The following TIAM2 variants were observed in gnomAD, a reference collection of about 807,000 sequenced individuals.
TIAM2 encodes TIAM Rac1 associated GEF 2.
A neutral mutation model predicts 152.9 loss-of-function variants in TIAM2; 80 were observed. The ratio of observed to expected loss-of-function variants is 0.52; its 90% CI spans 0.44 to 0.63. TIAM2 has a LOEUF of 0.63. TIAM2 is among the 30% of genes least tolerant of loss of function. The pLI is 0.00. For missense variants in TIAM2, 1,965 were observed against 2,120.1 expected (o/e 0.93, Z 1.44); for synonymous variants, 804 against 838.0 (o/e 0.96, Z 0.70).
Position 155,174,166 on chromosome 6 carries a change from A to T in TIAM2, c.2362-2650A>T, listed in dbSNP as rs1337048831. Among the ~76,000 whole-genome samples the T allele has an allele frequency of 6.6e-6, 1 of 152,224 alleles. No individual in the cohort carries two copies. The highest frequency in any genetic ancestry group is 2.4e-5 in the African/African-American group (1 of 41,454). ...GTATAGTGGTGGTGTGAACCAGCTC[A>T]TCCCAGACTTCCACCCTTCAGATCC... On this transcript the variant is annotated intron_variant, in intron 9 of 26. Transcript: ENST00000682666. The surrounding 1 kb of genome is among the most constrained non-coding windows in gnomAD (Gnocchi z 4.2).
chr6:155,054,038 T>C (rs1777383207), intron 1 of TIAM2, among the ~76,000 whole-genome samples: 1 of 152,112 alleles, frequency 6.6e-6, no homozygotes, highest in Non-Finnish European at 1.5e-5. Flanking sequence ...CCAGGCATGG[T>C]GGCAGGCACC....
chr6:155,020,875 G>A (rs73579424), intron 1 of TIAM2, among the ~76,000 whole-genome samples: 2,152 of 152,084 alleles, frequency 0.014, 36 homozygotes, highest in African/African-American at 0.045. Context: ...TCTGTACCCC[G>A]TTAAACAATA....
At position 155,129,390 on chromosome 6, in the gene TIAM2, AGTCCAGGTCCCTG is replaced by A. The variant is rs760207121; in HGVS notation, c.169_181del (p.Ser57ProfsTer113). The A allele has an allele frequency of 1.6e-5, 26 of 1,614,168 alleles. No individual in the cohort carries two copies. The Admixed American group carries it at 2.8e-4, about 18-fold the overall frequency. The stretch of plus-strand genomic sequence containing the variant: ...CACGGAAGCAACGGAGCAGGTTACA[AGTCCAGGTCCCTG>A]GCCCGAAGCTGCCTTTCTCACTTTA... On this transcript the variant is annotated frameshift_variant, in exon 4 of 27. Coordinates refer to ENST00000682666, the MANE Select transcript of TIAM2 (RefSeq NM_012454.4). LOFTEE classifies it high-confidence loss of function. The surrounding 1 kb of genome is among the most constrained non-coding windows in gnomAD (Gnocchi z 4.8).
At chr6:155,180,017 T>C (rs895508558) in intron 12 of TIAM2, among the ~76,000 whole-genome samples, 10 of 152,236 alleles carry the variant, frequency 6.6e-5, no homozygotes, top group Admixed American at 1.3e-4. Flanking sequence ...CCGTGGCTCA[T>C]GCCTGTAATC....
In TIAM2 at chr6:155,016,767, A is replaced by G. The variant is rs528989316; in HGVS notation, c.-209+21275A>G. 5.9e-5 allele frequency among the ~76,000 whole-genome samples: 8 copies of G among 134,622 alleles called. No individual in the cohort carries two copies. The East Asian group carries it at 1.7e-3, about 28-fold the overall frequency. The allele number at this position is 134,622 out of a possible 152,430, so 88.3% of individuals were successfully genotyped here. On this transcript the variant is annotated intron_variant, in intron 1 of 26. Transcript: ENST00000682666. ...ACAAAAAAATTAGCCAGGTGTGGTG[A>G]TGTGTGCCTGTAATCCCAGCTACTC...
intron 1 of TIAM2, among the ~76,000 whole-genome samples, chr6:155,083,151 C>G (rs113945972): frequency 0.013 from 1,983 of 151,962 alleles, 53 homozygotes; most frequent in African/African-American, 0.045. Context: ...AGTTCAAGAC[C>G]AGCTCGGTGA....
rs778859263 is a variant in TIAM2 at position 155,257,122 on chromosome 6, TATG to T, written c.*4_*6del. On this transcript the variant is annotated 3_prime_UTR_variant, in exon 27 of 27. Transcript: ENST00000682666. ...AACAGAGAGCCACGGAAAATCATAG[TATG>T]ATTCAATCCAGATATGGGTTAAATT... 16 of 1,611,944 alleles carry T rather than the reference TATG, an allele frequency of 9.9e-6. No individual in the cohort carries two copies. The East Asian group carries it at 3.6e-4, about 36-fold the overall frequency.
At chr6:155,163,480 A>G (rs1460004897) in intron 7 of TIAM2, among the ~76,000 whole-genome samples, 1 of 152,190 alleles carries the variant, frequency 6.6e-6, no homozygotes, top group Non-Finnish European at 1.5e-5. Context: ...TTACCAACTC[A>G]TGACTTAAGT....
rs533816134 is a variant in TIAM2, at chr6:155,154,387, C to T, written c.2028+6053C>T. ...AGGCACTATCGCAGTTGTAACATACCGGCTGAGCTACATACGGTCAGTGGT... is the reference window on the plus strand; with the variant it reads ...AGGCACTATCGCAGTTGTAACATACTGGCTGAGCTACATACGGTCAGTGGT... On this transcript the variant is annotated intron_variant, in intron 7 of 26. Coordinates refer to ENST00000682666, the MANE Select transcript of TIAM2 (RefSeq NM_012454.4). Among the ~76,000 whole-genome samples, 28 of 152,148 alleles carry T rather than the reference C, an allele frequency of 1.8e-4. 1 individual carries two copies. The highest frequency in any genetic ancestry group is 3.3e-4 in the Admixed American group (5 of 15,286).
intron 1 of TIAM2, among the ~76,000 whole-genome samples, chr6:155,000,054 G>A (rs1434842718): frequency 6.6e-6 from 1 of 152,138 alleles, no homozygotes; most frequent in African/African-American, 2.4e-5. Flanking sequence ...TGCAAACTTT[G>A]GAACAATGAA....
At chr6:155,250,755 A>C in intron 21 of TIAM2, 158 bp from the exon 22 acceptor site, 1 of 1,134,136 alleles carries the variant, frequency 8.8e-7, no homozygotes, top group Non-Finnish European at 1.3e-6. Context: ...ATATTTTCAA[A>C]AGCTCCACCG....
intron 14 of TIAM2, among the ~76,000 whole-genome samples, chr6:155,199,605 T>A (rs1373467306): frequency 1.3e-5 from 2 of 152,216 alleles, no homozygotes; most frequent in Non-Finnish European, 2.9e-5. Flanking sequence ...TTTCCTTCTC[T>A]CTCTGAAATT....
Position 155,215,953 on chromosome 6 carries a change from G to A in TIAM2, c.3168+4646G>A, listed in dbSNP as rs1781847447. On this transcript the variant is annotated intron_variant, in intron 15 of 26. Transcript: ENST00000682666. The stretch of plus-strand genomic sequence containing the variant: ...CTCCTAAGTAGCTGGGACCACAGGT[G>A]CCTGCCACCATGCCCGGATAATTTT... 4.6e-5 allele frequency among the ~76,000 whole-genome samples: 7 copies of A among 152,048 alleles called. No homozygotes were observed. In the South Asian group the frequency reaches 1.5e-3, roughly 32 times the overall value.
chr6:155,182,482 C>T (rs780532523), intron 13 of TIAM2, among the ~76,000 whole-genome samples, 164 bp downstream of exon 13: 4 of 152,252 alleles, frequency 2.6e-5, no homozygotes, highest in African/African-American at 7.2e-5. Flanking sequence ...CCAAACACAG[C>T]GGCTCGCTCG....
chr6:155,204,961 G>A (rs1263267755), intron 14 of TIAM2, among the ~76,000 whole-genome samples: 2 of 152,010 alleles, frequency 1.3e-5, no homozygotes, highest in African/African-American at 4.8e-5. Context: ...CGTCCTCATT[G>A]TGGCTGAAGG....
At chr6:155,193,924 ATGACATT>A (rs1204257313) in intron 14 of TIAM2, among the ~76,000 whole-genome samples, 2 of 152,358 alleles carry the variant, frequency 1.3e-5, no homozygotes, top group African/African-American at 2.4e-5. Context: ...CAAAAGGCAA[ATGACATT>A]TGACATTTGA....
intron 14 of TIAM2, among the ~76,000 whole-genome samples, chr6:155,184,279 G>A (rs528262198): frequency 8.5e-5 from 13 of 152,276 alleles, no homozygotes; most frequent in Admixed American, 2.0e-4. Flanking sequence ...ATGAGCCACC[G>A]TGCCTGGCCA....
At chr6:155,164,797 TG>T (rs753500512) in intron 8 of TIAM2, among the ~76,000 whole-genome samples, 197 bp downstream of exon 8, 7 of 152,206 alleles carry the variant, frequency 4.6e-5, no homozygotes, top group Non-Finnish European at 1.0e-4. Context: ...GTTTCTCTAC[TG>T]CTTATTCTAG....
At chr6:155,039,660 TAA>T (rs373522251) in intron 1 of TIAM2, among the ~76,000 whole-genome samples, 8 of 151,438 alleles carry the variant, frequency 5.3e-5, no homozygotes, top group African/African-American at 2.0e-4. Flanking sequence ...GGGGGGCTCT[TAA>T]AAAAATACAA....
Sources: allele counts gnomAD v4.1 joint callset (sites outside exome capture counted in the v4.1 genomes callset), GRCh38; gene constraint gnomAD v4.1.1; non-coding constraint Gnocchi (gnomAD v3.1); transcripts MANE v1.5; gene names NCBI Gene and HGNC (gene_info 2026-07-23, HGNC 2026-07-21).